PDRG1: variants seen among roughly 807,000 people sequenced by gnomAD.
PDRG1 encodes the protein p53 and DNA damage regulated 1, also known as p53 and DNA damage-regulated protein 1.
In PDRG1, 14 loss-of-function variants were observed where a neutral mutation model predicts 18.4. The ratio of observed to expected loss-of-function variants is 0.76; its 90% CI spans 0.50 to 1.19. The LOEUF (loss-of-function observed/expected upper bound fraction) is 1.19, where lower values mean the gene tolerates loss of function less well. Ranked by LOEUF, PDRG1 falls within the 50% of genes most tolerant of loss-of-function variation. The probability of loss-of-function intolerance (pLI) is 0.00; values close to 1 mark genes in which losing one functional copy is unlikely to be tolerated. For missense variants in PDRG1, 177 were observed against 160.1 expected (o/e 1.11, Z -0.57); for synonymous variants, 65 against 60.9 (o/e 1.07, Z -0.31).
intron 3 of PDRG1, among the ~76,000 whole-genome samples, chr20:31,946,949 G>A (rs142309686): frequency 1.8e-3 from 278 of 152,336 alleles, no homozygotes; most frequent in Middle Eastern, 0.014. Flanking sequence ...CACCCTAGAT[G>A]GCTGGAAAAT....
chr20:31,948,550 C>T lies in PDRG1; in HGVS notation c.238+258G>A, dbSNP rs574245661. ...TATCTGCAGCCCAACTGATTCCTCA[C>T]TAATAAGAAAGCACTATGCTAGGCA... On this transcript the variant is annotated intron_variant, in intron 3 of 4. Coordinates refer to ENST00000202017, the MANE Select transcript of PDRG1 (RefSeq NM_030815.3). Among the ~76,000 whole-genome samples, 8 of 152,346 alleles carry T rather than the reference C, an allele frequency of 5.3e-5. No homozygotes were observed. In the South Asian group the frequency reaches 1.4e-3, roughly 28 times the overall value.
rs970921398 is a variant in PDRG1, at chr20:31,952,032, C to G, written c.-71G>C. 6.7e-7 allele frequency: 1 copy of G among 1,482,042 alleles called. No homozygotes were observed. The highest frequency in any genetic ancestry group is 9.0e-7 in the Non-Finnish European group (1 of 1,117,030). The allele number at this position is 1,482,042 out of a possible 1,614,324, so 91.8% of individuals were successfully genotyped here. A position where few individuals can be genotyped will look rare whatever the true frequency, so the allele number is the denominator to read the frequency against. ...TCCGCTTCGACTCCCGCTGCGCACG[C>G]GCCGCTCTCTAGGTGCTTCCGGCGC... On this transcript the variant is annotated 5_prime_UTR_variant, in exon 1 of 5. Transcript: ENST00000202017.
intron 2 of PDRG1, 25 bp downstream of exon 2, chr20:31,950,287 C>A (rs750186561): frequency 6.4e-7 from 1 of 1,554,282 alleles, no homozygotes; most frequent in South Asian, 1.1e-5. Context: ...GCCTCCAGGG[C>A]TGCACTGAGA....
At chr20:31,949,601 G>C (rs571870190) in intron 2 of PDRG1, among the ~76,000 whole-genome samples, 10 of 151,674 alleles carry the variant, frequency 6.6e-5, no homozygotes, top group Non-Finnish European at 1.2e-4. Context: ...ATAAATAAAA[G>C]AACAGCAAGG....
chr20:31,948,697 G>T, intron 3 of PDRG1, 111 bp downstream of exon 3: 1 of 984,306 alleles, frequency 1.0e-6, no homozygotes, highest in Non-Finnish European at 1.5e-6. Flanking sequence ...TGAACCCTGT[G>T]ACAGAACTGC....
rs1199326281 is a variant in PDRG1, at chr20:31,950,372, T to C, written c.103A>G (p.Thr35Ala). 6.2e-7 allele frequency: 1 copy of C among 1,612,372 alleles called. No homozygotes were observed. Among genetic ancestry groups the C allele is most frequent in the Non-Finnish European group, 8.5e-7 (1 of 1,178,332 alleles). Residue 35 changes from threonine (T) to alanine (A), a missense_variant, in exon 2 of 5, where the codon ACT becomes GCT. Coordinates refer to ENST00000202017, the MANE Select transcript of PDRG1 (RefSeq NM_030815.3). Reference protein sequence around the residue: ...ADKRQIVDLDTKRNQNREGLR... With the variant: ...ADKRQIVDLDAKRNQNREGLR... ...CCCTCTCGATTCTGATTCCTTTTAG[T>C]GTCCAGGTCCACAATCTGAAAACCA...
intron 1 of PDRG1, among the ~76,000 whole-genome samples, chr20:31,951,347 C>T (rs1411777773): frequency 6.6e-6 from 1 of 152,198 alleles, no homozygotes; most frequent in Admixed American, 6.5e-5. Context: ...TCCGCCCTTG[C>T]CCACCTATAT....
chr20:31,946,562 CCA>C lies in PDRG1; in HGVS notation c.251_252del (p.Leu84ArgfsTer2), dbSNP rs750997250. 1.2e-6 allele frequency: 2 copies of C among 1,612,602 alleles called. No homozygotes were observed. Reference sequence around the variant, plus strand: ...TTCCGCAGTTTTTCTATTTCTTTATCCAGATGATCTTGATCTGAAAAAATGAG... The same window carrying C: ...TTCCGCAGTTTTTCTATTTCTTTATCGATGATCTTGATCTGAAAAAATGAG... ...KEMIEKDQDHLDKEIEKLRKQ... is the reference protein window; with the variant it reads ...KEMIEKDQDHXDKEIEKLRKQ... On this transcript the variant is annotated frameshift_variant, in exon 4 of 5. Transcript: ENST00000202017. LOFTEE classifies it high-confidence loss of function.
In PDRG1 at chr20:31,946,594, G is replaced by T. The variant is rs759722983; in HGVS notation, c.239-18C>A. On this transcript the variant is annotated intron_variant, in intron 3 of 4. Coordinates refer to ENST00000202017, the MANE Select transcript of PDRG1 (RefSeq NM_030815.3). ...ATCTTGATCTGAAAAAATGAGGGGGGCAAGCAGAGGATAAGATTGTACCAG... is the reference window on the plus strand; with the variant it reads ...ATCTTGATCTGAAAAAATGAGGGGGTCAAGCAGAGGATAAGATTGTACCAG... The T allele has an allele frequency of 1.3e-6, 2 of 1,586,250 alleles. No individual in the cohort carries two copies. Among genetic ancestry groups the T allele is most frequent in the African/African-American group, 1.3e-5 (1 of 74,292 alleles).
chr20:31,950,372 T>G lies in PDRG1; in HGVS notation c.103A>C (p.Thr35Pro). Residue 35 changes from threonine to proline, a missense_variant, in exon 2 of 5, where the codon ACT becomes CCT. Physicochemically the swap from Thr to Pro is conservative, Grantham distance 38. Transcript: ENST00000202017. ...ADKRQIVDLD[T>P]KRNQNREGLR... ...CCCTCTCGATTCTGATTCCTTTTAGTGTCCAGGTCCACAATCTGAAAACCA... is the reference window on the plus strand; with the variant it reads ...CCCTCTCGATTCTGATTCCTTTTAGGGTCCAGGTCCACAATCTGAAAACCA... 5.0e-6 allele frequency: 8 copies of G among 1,612,370 alleles called. No homozygotes were observed. Among genetic ancestry groups the G allele is most frequent in the Non-Finnish European group, 6.8e-6 (8 of 1,178,330 alleles).
At chr20:31,951,848 C>T (rs201070527) in intron 1 of PDRG1, 27 bp downstream of exon 1, 4 of 1,547,150 alleles carry the variant, frequency 2.6e-6, no homozygotes, top group East Asian at 2.5e-5. Flanking sequence ...GGCCGCCAGG[C>T]CCCAGCGCCG....
intron 1 of PDRG1, 68 bp from the exon 2 acceptor site, chr20:31,950,455 A>C: frequency 8.0e-7 from 1 of 1,243,212 alleles, no homozygotes; most frequent in Non-Finnish European, 1.2e-6. Flanking sequence ...CTTGACAGAC[A>C]AGGGTTGCAG....
chr20:31,948,871 C>A lies in PDRG1; in HGVS notation c.175G>T (p.Val59Phe), dbSNP rs748723095. The change falls in exon 3 of 5, where the codon GTT (valine) becomes TTT (phenylalanine). Residue 59 changes from valine to phenylalanine, a missense_variant. Coordinates refer to ENST00000202017, the MANE Select transcript of PDRG1 (RefSeq NM_030815.3). ...KDLSLSEDVM[V>F]CFGNMFIKMP... ...TTGATAAACATGTTCCCGAAGCAAA[C>A]CATCACATCTTCTGAAAGAGCAAAT... 6.2e-7 allele frequency: 1 copy of A among 1,613,664 alleles called. No homozygotes were observed. Among genetic ancestry groups the A allele is most frequent in the African/African-American group, 1.3e-5 (1 of 74,920 alleles).
chr20:31,952,027 G>A lies in PDRG1; in HGVS notation c.-66C>T. 1 of 1,482,852 alleles carries A rather than the reference G, an allele frequency of 6.7e-7. No individual in the cohort carries two copies. 91.9% of individuals were successfully genotyped at this position (1,482,852 alleles called of 1,614,324 possible). A position where few individuals can be genotyped will look rare whatever the true frequency, so the allele number is the denominator to read the frequency against. ...GGATCTCCGCTTCGACTCCCGCTGC[G>A]CACGCGCCGCTCTCTAGGTGCTTCC... On this transcript the variant is annotated 5_prime_UTR_variant, in exon 1 of 5. Coordinates refer to ENST00000202017, the MANE Select transcript of PDRG1 (RefSeq NM_030815.3).
At chr20:31,947,423 T>C (rs182429125) in intron 3 of PDRG1, among the ~76,000 whole-genome samples, 95 of 152,314 alleles carry the variant, frequency 6.2e-4, no homozygotes, top group African/African-American at 2.2e-3. Flanking sequence ...CAAGACGACA[T>C]TTGGGGGCCA....
At chr20:31,950,472 T>A (rs2064345452) in intron 1 of PDRG1, 85 bp from the exon 2 acceptor site, 3 of 1,001,384 alleles carry the variant, frequency 3.0e-6, no homozygotes, top group East Asian at 2.4e-5. Context: ...GCAGAGGCAA[T>A]GCATTATTCC....
In PDRG1 at chr20:31,946,081, C is replaced by T. The variant is rs1170753759; in HGVS notation, c.320-192G>A. Among the ~76,000 whole-genome samples the T allele has an allele frequency of 2.6e-5, 4 of 152,148 alleles. No individual in the cohort carries two copies. In the East Asian group the frequency reaches 7.7e-4, roughly 29 times the overall value. On this transcript the variant is annotated intron_variant, in intron 4 of 4. Coordinates refer to ENST00000202017, the MANE Select transcript of PDRG1 (RefSeq NM_030815.3). ...CTGTGTCACCAAGAGCCTGCAAACG[C>T]GTAACTCTGCTGCCCAAAGAACCTC...
chr20:31,949,104 G>A (rs1325663842), intron 2 of PDRG1, among the ~76,000 whole-genome samples: 1 of 152,202 alleles, frequency 6.6e-6, no homozygotes, highest in Non-Finnish European at 1.5e-5. Context: ...AATGCCAGAG[G>A]AGGACCTTGT....
At position 31,951,091 on chromosome 20, in the gene PDRG1, G is replaced by C. The variant is rs561596018; in HGVS notation, c.88-704C>G. On this transcript the variant is annotated intron_variant, in intron 1 of 4. Coordinates refer to ENST00000202017, the MANE Select transcript of PDRG1 (RefSeq NM_030815.3). ...CTTTAACTGCTCTTATTCTCATCCAGCACACCCTGATCCAGTACTTAATTT... is the reference window on the plus strand; with the variant it reads ...CTTTAACTGCTCTTATTCTCATCCACCACACCCTGATCCAGTACTTAATTT... Among the ~76,000 whole-genome samples the C allele has an allele frequency of 1.1e-4, 17 of 152,274 alleles. No individual in the cohort carries two copies. In the South Asian group the frequency reaches 3.1e-3, roughly 28 times the overall value.
Sources: allele counts gnomAD v4.1 joint callset (sites outside exome capture counted in the v4.1 genomes callset), GRCh38; gene constraint gnomAD v4.1.1; transcripts MANE v1.5; gene names NCBI Gene and HGNC (gene_info 2026-07-23, HGNC 2026-07-21).